The following SLC16A10 variants were observed in gnomAD, a reference collection of about 807,000 sequenced individuals.
SLC16A10 encodes monocarboxylate transporter 10.
A neutral mutation model predicts 40.0 loss-of-function variants in SLC16A10; 27 were observed. The observed-to-expected ratio is 0.67, with a 90% CI of 0.50 to 0.93. The LOEUF is 0.93. Ranked by LOEUF, SLC16A10 falls within the 40% of genes least tolerant of loss-of-function variation. The pLI, the probability that SLC16A10 is intolerant of heterozygous loss-of-function variation, is 0.00. For missense variants in SLC16A10, 529 were observed against 658.2 expected (o/e 0.80, Z 2.15); for synonymous variants, 213 against 249.8 (o/e 0.85, Z 1.39).
chr6:111,229,571 C>G lies in SLC16A10; in HGVS notation c.*7336C>G, dbSNP rs192207974. 3 of 152,300 alleles carry G rather than the reference C, an allele frequency of 2.0e-5. No homozygotes were observed. The highest frequency in any genetic ancestry group is 2.0e-4 in the Admixed American group (3 of 15,296). The allele number at this position is 152,300 out of a possible 1,614,324, so 9.4% of individuals were successfully genotyped here. ...ACATTTGAAACTATTTCGCAACTTT[C>G]AGGCTAAAATCAGAGTTTTGAGAGT... is the stretch of plus-strand genomic sequence containing the variant. On this transcript the variant is annotated 3_prime_UTR_variant, in exon 6 of 6. Coordinates refer to ENST00000368851, the MANE Select transcript of SLC16A10 (RefSeq NM_018593.5).
chr6:111,113,300 C>G (rs1771423082), intron 1 of SLC16A10, among the ~76,000 whole-genome samples: 1 of 152,082 alleles, frequency 6.6e-6, no homozygotes, highest in South Asian at 2.1e-4. Flanking sequence ...ATTTAATACA[C>G]CCCTGTAAGA....
At chr6:111,194,555 T>C (rs986562858) in intron 3 of SLC16A10, among the ~76,000 whole-genome samples, 1 of 152,056 alleles carries the variant, frequency 6.6e-6, no homozygotes, top group Non-Finnish European at 1.5e-5. Context: ...ACCCAACAAG[T>C]AGGTTAACAG....
At position 111,226,286 on chromosome 6, in the gene SLC16A10, G is replaced by A. The variant is rs1286643161; in HGVS notation, c.*4051G>A. 1 of 152,090 alleles carries A rather than the reference G, an allele frequency of 6.6e-6. No homozygotes were observed. Among genetic ancestry groups the A allele is most frequent in the East Asian group, 1.9e-4 (1 of 5,196 alleles). The allele number at this position is 152,090 out of a possible 1,614,324, so 9.4% of individuals were successfully genotyped here. On this transcript the variant is annotated 3_prime_UTR_variant, in exon 6 of 6. Coordinates refer to ENST00000368851, the MANE Select transcript of SLC16A10 (RefSeq NM_018593.5). ...ATTAAATCTTAGTTCCGAGAGCCCA[G>A]CATGAAGGGTGACTGGGAATGTAGT...
chr6:111,202,698 C>G (rs566747714), intron 3 of SLC16A10, among the ~76,000 whole-genome samples: 1 of 151,874 alleles, frequency 6.6e-6, no homozygotes, highest in African/African-American at 2.4e-5. Flanking sequence ...ACCAGCCTGA[C>G]CAACATGGTG....
chr6:111,161,222 CAAAAAAAAAA>C (rs57463212), intron 1 of SLC16A10, among the ~76,000 whole-genome samples: 1 of 42,426 alleles, frequency 2.4e-5, no homozygotes, highest in South Asian at 1.4e-3. Context: ...GACAGTGTCT[CAAAAAAAAAA>C]AAAAAAAAAA....
chr6:111,089,280 AACTT>A (rs1274059838), intron 1 of SLC16A10, among the ~76,000 whole-genome samples: 1 of 152,184 alleles, frequency 6.6e-6, no homozygotes, highest in Non-Finnish European at 1.5e-5. Flanking sequence ...ATCATTCTGC[AACTT>A]ACTTTTCTTC....
chr6:111,181,853 T>G (rs547737579), intron 3 of SLC16A10, among the ~76,000 whole-genome samples: 5 of 152,342 alleles, frequency 3.3e-5, no homozygotes, highest in Admixed American at 3.3e-4. Flanking sequence ...ACAAATCTTA[T>G]AGATCAATTT....
chr6:111,209,113 G>A (rs1030896550), intron 4 of SLC16A10, among the ~76,000 whole-genome samples: 3 of 152,132 alleles, frequency 2.0e-5, no homozygotes, highest in Non-Finnish European at 4.4e-5. Flanking sequence ...AGGCTGAGGT[G>A]GGAGGACTTT....
At chr6:111,173,023 C>CT (rs1401369587) in intron 2 of SLC16A10, among the ~76,000 whole-genome samples, 184 bp downstream of exon 2, 1 of 151,950 alleles carries the variant, frequency 6.6e-6, no homozygotes, top group Non-Finnish European at 1.5e-5. Context: ...AATTTGAATG[C>CT]TTTTTTTTCT....
In SLC16A10 at chr6:111,227,715, T is replaced by C. The variant is rs1487910725; in HGVS notation, c.*5480T>C. On this transcript the variant is annotated 3_prime_UTR_variant, in exon 6 of 6. Coordinates refer to ENST00000368851, the MANE Select transcript of SLC16A10 (RefSeq NM_018593.5). The stretch of plus-strand genomic sequence containing the variant: ...CATGGTACTATATTCCTGACAGATA[T>C]AAAATAACATGAGGCTACCTCATTT... The C allele has an allele frequency of 1.3e-5, 2 of 152,204 alleles. No individual in the cohort carries two copies. Among genetic ancestry groups the C allele is most frequent in the African/African-American group, 4.8e-5 (2 of 41,458 alleles). 9.4% of individuals were successfully genotyped at this position (152,204 alleles called of 1,614,324 possible).
chr6:111,180,467 T>C (rs1452886433), intron 3 of SLC16A10, among the ~76,000 whole-genome samples: 1 of 152,200 alleles, frequency 6.6e-6, no homozygotes, highest in African/African-American at 2.4e-5. Context: ...AAGGATCGCA[T>C]GAGCCCAGGA....
chr6:111,175,827 T>TAG (rs1241161197), intron 2 of SLC16A10, among the ~76,000 whole-genome samples: 2 of 151,748 alleles, frequency 1.3e-5, no homozygotes, highest in African/African-American at 4.8e-5. Flanking sequence ...GCTTCCTGAG[T>TAG]AGCTAGGACT....
At chr6:111,138,487 C>G (rs1771921516) in intron 1 of SLC16A10, among the ~76,000 whole-genome samples, 1 of 152,290 alleles carries the variant, frequency 6.6e-6, no homozygotes, top group Admixed American at 6.5e-5. Flanking sequence ...TACAACTAAC[C>G]AGCTCTGTGG....
intron 3 of SLC16A10, among the ~76,000 whole-genome samples, chr6:111,190,483 G>T (rs1201132435): frequency 1.3e-5 from 2 of 152,180 alleles, no homozygotes; most frequent in Non-Finnish European, 2.9e-5. Flanking sequence ...CTGTGTAGGG[G>T]CTCCAGTCCC....
chr6:111,156,832 G>C (rs1772279145), intron 1 of SLC16A10, among the ~76,000 whole-genome samples: 2 of 152,166 alleles, frequency 1.3e-5, no homozygotes, highest in African/African-American at 2.4e-5. Flanking sequence ...TAATAATAGA[G>C]GAAACTGGAT....
At chr6:111,131,434 C>T (rs988278486) in intron 1 of SLC16A10, among the ~76,000 whole-genome samples, 8 of 152,268 alleles carry the variant, frequency 5.3e-5, no homozygotes, top group East Asian at 3.9e-4. Context: ...GGAAGCAGCC[C>T]GCCACCATCT....
intron 1 of SLC16A10, among the ~76,000 whole-genome samples, chr6:111,135,958 A>G (rs1367240500): frequency 6.6e-6 from 1 of 152,242 alleles, no homozygotes. Flanking sequence ...TCAGTGAGGA[A>G]TGTATCCAGC....
chr6:111,185,189 G>A (rs933966521), intron 3 of SLC16A10, among the ~76,000 whole-genome samples: 6 of 152,234 alleles, frequency 3.9e-5, no homozygotes, highest in African/African-American at 1.2e-4. Context: ...CTGCAAAGCT[G>A]TGCTTGTTCA....
intron 1 of SLC16A10, among the ~76,000 whole-genome samples, chr6:111,172,359 C>A (rs534503561): frequency 2.6e-5 from 4 of 152,178 alleles, no homozygotes; most frequent in African/African-American, 9.6e-5. Flanking sequence ...TTTAATATTT[C>A]TTTCCTGTTG....
Sources: allele counts gnomAD v4.1 joint callset (sites outside exome capture counted in the v4.1 genomes callset), GRCh38; gene constraint gnomAD v4.1.1; transcripts MANE v1.5; gene names NCBI Gene and HGNC (gene_info 2026-07-23, HGNC 2026-07-21).